IL1RAPL2: variants seen among roughly 807,000 people sequenced by gnomAD.
The protein encoded by IL1RAPL2 is X-linked interleukin-1 receptor accessory protein-like 2.
A neutral mutation model predicts 44.1 loss-of-function variants in IL1RAPL2; 3 were observed. The observed-to-expected ratio is 0.07, with a 90% CI of 0.03 to 0.18. The LOEUF (loss-of-function observed/expected upper bound fraction) is 0.18. Ranked by LOEUF, IL1RAPL2 falls within the 10% of genes least tolerant of loss-of-function variation. The probability of loss-of-function intolerance (pLI) is 1.00; values close to 1 mark genes in which losing one functional copy is unlikely to be tolerated. For missense variants in IL1RAPL2, 391 were observed against 496.4 expected, an observed-to-expected ratio of 0.79 and a Z score of 2.02; for synonymous variants, 181 against 178.8, an observed-to-expected ratio of 1.01 and a Z score of -0.10.
At chrX:105,215,246 A>G (rs1556163921) in intron 3 of IL1RAPL2, among the ~76,000 whole-genome samples, 1 of 112,240 alleles carries the variant, frequency 8.9e-6, no homozygotes, top group Non-Finnish European at 1.9e-5. Context: ...GAGAAGAATC[A>G]AGTAGACACA....
chrX:105,690,226 T>A (rs74453697), intron 6 of IL1RAPL2, among the ~76,000 whole-genome samples: 1 of 111,073 alleles, frequency 9.0e-6, no homozygotes, highest in Admixed American at 9.6e-5. Flanking sequence ...ATAACAAAAA[T>A]TTTTTTAATA....
Position 105,447,092 on chromosome X carries a change from TATATATATATATATAA to T in IL1RAPL2, c.698-37219_698-37204del, listed in dbSNP as rs1233474212. Among the ~76,000 whole-genome samples the T allele has an allele frequency of 5.5e-4, 32 of 58,020 alleles. 2 individuals are homozygous for T. Among genetic ancestry groups the T allele is most frequent in the African/African-American group, 3.2e-3 (32 of 9,951 alleles). 50.4% of individuals were successfully genotyped at this position (58,020 alleles called of 115,157 possible). A position where few individuals can be genotyped will look rare whatever the true frequency, so the allele number is the denominator to read the frequency against. ...GGTTAAAATTATATATATATATATA[TATATATATATATATAA>T]AAATATATATAAATATAAATATATA... On this transcript the variant is annotated intron_variant, in intron 5 of 10. Transcript: ENST00000372582.
intron 2 of IL1RAPL2, among the ~76,000 whole-genome samples, chrX:104,838,672 G>C (rs564174365): frequency 9.1e-6 from 1 of 110,232 alleles, no homozygotes; most frequent in South Asian, 3.9e-4. Flanking sequence ...TCAGTAAACA[G>C]AGACAATTTG....
At chrX:105,009,631 G>A (rs1170343784) in intron 2 of IL1RAPL2, among the ~76,000 whole-genome samples, 2 of 106,365 alleles carry the variant, frequency 1.9e-5, no homozygotes, top group Admixed American at 2.0e-4. Flanking sequence ...GATAGCATTA[G>A]GAGATATACC....
intron 2 of IL1RAPL2, among the ~76,000 whole-genome samples, chrX:104,912,766 A>G (rs1334009843): frequency 1.8e-5 from 2 of 111,640 alleles, no homozygotes; most frequent in African/African-American, 6.5e-5. Context: ...GATGCAAAGT[A>G]CTTTTACAAT....
At chrX:105,393,667 G>T (rs2035542631) in intron 5 of IL1RAPL2, among the ~76,000 whole-genome samples, 2 of 111,746 alleles carry the variant, frequency 1.8e-5, no homozygotes, top group South Asian at 3.7e-4. Flanking sequence ...AAGCAAGATT[G>T]AGTAAACTAT....
rs769302725 is a variant in IL1RAPL2 at position 104,963,932 on chromosome X, TGTGAGA to T, written c.83-231541_83-231536del. On this transcript the variant is annotated intron_variant, in intron 2 of 10. Transcript: ENST00000372582. The stretch of plus-strand genomic sequence containing the variant: ...AATAGGATGTGCGTGTGTGTGTGTG[TGTGAGA>T]GAGAGAGAGAGAGAGAGAGAGGGAG... 4.4e-3 allele frequency among the ~76,000 whole-genome samples: 356 copies of T among 81,222 alleles called. 1 individual carries two copies. The highest frequency in any genetic ancestry group is 0.015 in the African/African-American group (325 of 21,360). The allele number at this position is 81,222 out of a possible 115,157, so 70.5% of individuals were successfully genotyped here. A position where few individuals can be genotyped will look rare whatever the true frequency, so the allele number is the denominator to read the frequency against.
chrX:105,195,974 T>G (rs1315176738), intron 3 of IL1RAPL2, among the ~76,000 whole-genome samples: 1 of 112,140 alleles, frequency 8.9e-6, no homozygotes, highest in Non-Finnish European at 1.9e-5. Context: ...TGTGTGCTTA[T>G]TTAATTTAGA....
At chrX:105,545,120 T>C (rs1199864686) in intron 6 of IL1RAPL2, among the ~76,000 whole-genome samples, 2 of 111,828 alleles carry the variant, frequency 1.8e-5, no homozygotes, top group South Asian at 7.3e-4. Flanking sequence ...GTATAGAGTG[T>C]TTTATTATTA....
At position 104,604,653 on chromosome X, in the gene IL1RAPL2, AAAG is replaced by A. The variant is rs1299513041; in HGVS notation, c.-20+37603_-20+37605del. Among the ~76,000 whole-genome samples, 100 of 107,494 alleles carry A rather than the reference AAAG, an allele frequency of 9.3e-4. 1 individual carries two copies. The highest frequency in any genetic ancestry group is 1.7e-3 in the Non-Finnish European group (90 of 52,134). 93.3% of individuals were successfully genotyped at this position (107,494 alleles called of 115,157 possible). On this transcript the variant is annotated intron_variant, in intron 1 of 10. Transcript: ENST00000372582. Reference sequence around the variant, plus strand: ...CATAGCAAAAAAAAAAAAAAAAAAAAAAGCAGGAGCTGCAATCCTAGTCTCTGA... The same window carrying A: ...CATAGCAAAAAAAAAAAAAAAAAAAACAGGAGCTGCAATCCTAGTCTCTGA...
intron 5 of IL1RAPL2, among the ~76,000 whole-genome samples, chrX:105,390,798 CT>C (rs1448524447): frequency 2.7e-5 from 3 of 110,739 alleles, no homozygotes; most frequent in African/African-American, 9.9e-5. Context: ...ACGTTTTGGC[CT>C]CTTATATATC....
chrX:105,286,137 A>T (rs1021383263), intron 5 of IL1RAPL2, among the ~76,000 whole-genome samples: 3 of 111,662 alleles, frequency 2.7e-5, no homozygotes, highest in African/African-American at 9.7e-5. Flanking sequence ...AGAACTGAGA[A>T]AATAACTCCA....
intron 2 of IL1RAPL2, among the ~76,000 whole-genome samples, chrX:104,890,153 A>G (rs1211728594): frequency 2.7e-5 from 3 of 112,107 alleles, no homozygotes; most frequent in Non-Finnish European, 5.6e-5. Context: ...GCTGCATAGT[A>G]TACTGTGGTG....
At chrX:105,402,204 G>A (rs1042313210) in intron 5 of IL1RAPL2, among the ~76,000 whole-genome samples, 1 of 111,024 alleles carries the variant, frequency 9.0e-6, no homozygotes, top group African/African-American at 3.3e-5. Flanking sequence ...GTAATACAGA[G>A]TTGCAAGGCA....
rs1455675271 is a variant in IL1RAPL2, at chrX:105,409,837, TAGATAGATAGAC to T, written c.698-74472_698-74461del. On this transcript the variant is annotated intron_variant, in intron 5 of 10. Coordinates refer to ENST00000372582, the MANE Select transcript of IL1RAPL2 (RefSeq NM_017416.2). Reference sequence around the variant, plus strand: ...ATAGATAGATAGATAGATAGATAGATAGATAGATAGACAGACAGACAGACAGACAGATAGATA... The same window carrying T: ...ATAGATAGATAGATAGATAGATAGATAGACAGACAGACAGACAGATAGATA... 3.3e-5 allele frequency among the ~76,000 whole-genome samples: 3 copies of T among 91,714 alleles called. 1 individual carries two copies. The highest frequency in any genetic ancestry group is 1.1e-4 in the African/African-American group (3 of 26,297). The allele number at this position is 91,714 out of a possible 115,157, so 79.6% of individuals were successfully genotyped here.
At chrX:105,291,743 A>C (rs1177157668) in intron 5 of IL1RAPL2, among the ~76,000 whole-genome samples, 1 of 111,348 alleles carries the variant, frequency 9.0e-6, no homozygotes, top group Non-Finnish European at 1.9e-5. Context: ...TGATTCTAAA[A>C]GTGTAGCCCA....
In IL1RAPL2 at chrX:105,755,236, T is replaced by A. The variant is rs371752240; in HGVS notation, c.1252T>A (p.Cys418Ser). 1.7e-6 allele frequency: 2 copies of A among 1,199,023 alleles called. No individual in the cohort carries two copies. The highest frequency in any genetic ancestry group is 1.1e-6 in the Non-Finnish European group (1 of 883,975). ...YTKVDQDTLD[C>S]DNPEEEQFAL... is the part of the protein sequence containing the mutation. ...AAAAGTGGACCAAGATACTTTAGAC[T>A]GTGACAATCCTGAAGAAGAGCAGTT... The change falls in exon 10 of 11, where the codon TGT becomes AGT. Residue 418 changes from cysteine to serine, a missense_variant. Coordinates refer to ENST00000372582, the MANE Select transcript of IL1RAPL2 (RefSeq NM_017416.2).
At chrX:105,660,028 A>G (rs1231774284) in intron 6 of IL1RAPL2, among the ~76,000 whole-genome samples, 4 of 111,613 alleles carry the variant, frequency 3.6e-5, no homozygotes, top group Non-Finnish European at 7.5e-5. Flanking sequence ...AATTACAAAA[A>G]GGTTATAGAA....
rs749806136 is a variant in IL1RAPL2, at chrX:105,049,434, A to G, written c.83-146041A>G. On this transcript the variant is annotated intron_variant, in intron 2 of 10. Coordinates refer to ENST00000372582, the MANE Select transcript of IL1RAPL2 (RefSeq NM_017416.2). ...TTGTGGGTGCTCTGGGCATTGTTCT[A>G]ACTTGGTATTTGCAAGTCAATGGCA... is the stretch of plus-strand genomic sequence containing the variant. 3.6e-5 allele frequency among the ~76,000 whole-genome samples: 4 copies of G among 111,453 alleles called. No individual in the cohort carries two copies. In the South Asian group the frequency reaches 1.5e-3, roughly 42 times the overall value.
Sources: gnomAD v4.1 joint callset for allele counts (sites outside exome capture counted in the v4.1 genomes callset) on GRCh38, gnomAD v4.1.1 for gene constraint, MANE v1.5 for transcripts, NCBI Gene and HGNC (gene_info 2026-07-23, HGNC 2026-07-21) for gene names.